The following DMRT2 variants were observed in gnomAD, a reference collection of about 807,000 sequenced individuals.
The protein encoded by DMRT2 is doublesex and mab-3 related transcription factor 2.
A neutral mutation model predicts 43.5 loss-of-function variants in DMRT2; 33 were observed. The ratio of observed to expected loss-of-function variants is 0.76; its 90% CI spans 0.58 to 1.01. The LOEUF is 1.01. Ranked by LOEUF, DMRT2 falls within the 50% of genes least tolerant of loss-of-function variation. DMRT2 has a pLI of 0.00. For synonymous variants in DMRT2, 395 were observed against 309.2 expected (o/e 1.28, Z -2.91); for missense variants, 1,064 against 748.0 (o/e 1.42, Z -4.93).
rs1358356736 is a variant in DMRT2 at position 1,056,639 on chromosome 9, G to A, written c.1052G>A (p.Ser351Asn). 1.2e-6 allele frequency: 2 copies of A among 1,614,034 alleles called. No individual in the cohort carries two copies. Among genetic ancestry groups the A allele is most frequent in the Non-Finnish European group, 1.7e-6 (2 of 1,180,048 alleles). The change falls in exon 4 of 4, where the codon AGC becomes AAC. Residue 351 changes from serine (S) to asparagine (N), a missense_variant. Transcript: ENST00000358146. The part of the protein sequence containing the change: ...FLVWPKCGPI[S>N]DTLLYQQCLL... ...GTTTGGCCCAAGTGTGGCCCCATTA[G>A]CGACACCCTCCTCTACCAGCAATGC...
In DMRT2 at chr9:1,057,277, G is replaced by A. The variant is rs202045027; in HGVS notation, c.*4G>A. ...CATCACTCGTGTCTCTCAGTGAAAG[G>A]CTGCTTAAACAGAAAGCTGGATTTT... On this transcript the variant is annotated 3_prime_UTR_variant, in exon 4 of 4. Coordinates refer to ENST00000358146, the MANE Select transcript of DMRT2 (RefSeq NM_181872.6). The A allele has an allele frequency of 1.2e-6, 2 of 1,600,080 alleles. No homozygotes were observed. The highest frequency in any genetic ancestry group is 1.7e-6 in the Non-Finnish European group (2 of 1,174,656).
At chr9:1,054,401 C>T (rs1020314663) in intron 3 of DMRT2, among the ~76,000 whole-genome samples, 1 of 145,978 alleles carries the variant, frequency 6.9e-6, no homozygotes, top group Admixed American at 6.8e-5. Context: ...CGCTCTTTTT[C>T]ATTGTACTTT....
At position 1,056,487 on chromosome 9, in the gene DMRT2, TA is replaced by T; in HGVS notation, c.902del (p.Asn301IlefsTer9). On this transcript the variant is annotated frameshift_variant, in exon 4 of 4. Coordinates refer to ENST00000358146, the MANE Select transcript of DMRT2 (RefSeq NM_181872.6). LOFTEE classifies it high-confidence loss of function. ...TGGAACCACCAAGCAAGGACTTCTG[TA>T]ATTTTTTGCCCACCTGCCTTGATTT... ...PVEPPSKDFC[N>X]FLPTCLDLTM... is the part of the protein sequence containing the mutation. 1 of 1,614,214 alleles carries T rather than the reference TA, an allele frequency of 6.2e-7. No homozygotes were observed. Among genetic ancestry groups the T allele is most frequent in the Non-Finnish European group, 8.5e-7 (1 of 1,180,030 alleles).
rs1260007650 is a variant in DMRT2, at chr9:1,056,254, A to G, written c.667A>G (p.Thr223Ala). 6.2e-7 allele frequency: 1 copy of G among 1,613,756 alleles called. No individual in the cohort carries two copies. Among genetic ancestry groups the G allele is most frequent in the Non-Finnish European group, 8.5e-7 (1 of 1,179,924 alleles). The part of the protein sequence containing the change: ...PIPAETYVGG[T>A]FPLPPPVSDR... ...TCCAGCGGAGACTTATGTAGGAGGG[A>G]CCTTCCCTCTACCTCCCCCAGTTAG... Residue 223 changes from threonine to alanine, a missense_variant, in exon 4 of 4, where the codon ACC becomes GCC. Physicochemically the swap from Thr to Ala is moderately conservative, Grantham distance 58. Coordinates refer to ENST00000358146, the MANE Select transcript of DMRT2 (RefSeq NM_181872.6).
At position 1,057,250 on chromosome 9, in the gene DMRT2, G is replaced by C. The variant is rs371831083; in HGVS notation, c.1663G>C (p.Ala555Pro). 2 of 1,611,574 alleles carry C rather than the reference G, an allele frequency of 1.2e-6. No homozygotes were observed. Among genetic ancestry groups the C allele is most frequent in the Non-Finnish European group, 8.5e-7 (1 of 1,179,030 alleles). ...VESILKRPSS[A>P]ITRVSQ ...GTCTATTCTTAAGAGGCCTTCATCT[G>C]CCATCACTCGTGTCTCTCAGTGAAA... Residue 555 changes from alanine (A) to proline (P), a missense_variant, in exon 4 of 4, where the codon GCC becomes CCC. Transcript: ENST00000358146.
chr9:1,054,385 A>T (rs1489534196), intron 3 of DMRT2, among the ~76,000 whole-genome samples: 1 of 151,356 alleles, frequency 6.6e-6, no homozygotes, highest in Non-Finnish European at 1.5e-5. Flanking sequence ...GTTCAACCTC[A>T]GATTCCGCTC....
chr9:1,053,746 C>T lies in DMRT2; in HGVS notation c.550C>T (p.Gln184Ter). The T allele has an allele frequency of 6.2e-7, 1 of 1,613,778 alleles. No individual in the cohort carries two copies. The highest frequency in any genetic ancestry group is 8.5e-7 in the Non-Finnish European group (1 of 1,179,832). Residue 184 changes from glutamine to a stop codon, truncating the protein, a stop_gained, in exon 3 of 4, where the codon CAG (glutamine) becomes TAG (stop). Coordinates refer to ENST00000358146, the MANE Select transcript of DMRT2 (RefSeq NM_181872.6). LOFTEE classifies it high-confidence loss of function. ...GGACAAGAAGGGGCTTTCCGGGAAA[C>T]AGAATAATTTCGAGCGCAAAGCTGT... ...TEDKKGLSGK[Q>*]NNFERKAVYQ...
intron 3 of DMRT2, among the ~76,000 whole-genome samples, chr9:1,055,081 T>G (rs748699848): frequency 6.6e-6 from 1 of 152,166 alleles, no homozygotes; most frequent in African/African-American, 2.4e-5. Context: ...TAGGGCCACA[T>G]TGATAAACTG....
In DMRT2 at chr9:1,051,930, C is replaced by A; in HGVS notation, c.317C>A (p.Thr106Asn). The part of the protein sequence containing the change: ...PAGTGPRERC[T>N]PAGGGAEPRK... Reference sequence around the variant, plus strand: ...GGCACCGGTCCCCGAGAGCGCTGCACTCCCGCGGGCGGCGGCGCGGAGCCG... The same window carrying A: ...GGCACCGGTCCCCGAGAGCGCTGCAATCCCGCGGGCGGCGGCGCGGAGCCG... Residue 106 changes from threonine (T) to asparagine (N), a missense_variant, in exon 2 of 4, where the codon ACT (threonine) becomes AAT (asparagine). Coordinates refer to ENST00000358146, the MANE Select transcript of DMRT2 (RefSeq NM_181872.6). The surrounding 1 kb of genome is among the most constrained non-coding windows in gnomAD (Gnocchi z 5.9). 1 of 1,364,750 alleles carries A rather than the reference C, an allele frequency of 7.3e-7. No individual in the cohort carries two copies. The highest frequency in any genetic ancestry group is 9.4e-7 in the Non-Finnish European group (1 of 1,068,542). 84.5% of individuals were successfully genotyped at this position (1,364,750 alleles called of 1,614,324 possible).
Position 1,051,992 on chromosome 9 carries a change from C to A in DMRT2, c.379C>A (p.Arg127Ser), listed in dbSNP as rs974583423. The part of the protein sequence containing the change: ...LSRTPKCARC[R>S]NHGVVSCLKG... Reference sequence around the variant, plus strand: ...CCGCACGCCCAAGTGCGCGCGCTGCCGCAACCACGGCGTGGTGTCCTGCCT... The same window carrying A: ...CCGCACGCCCAAGTGCGCGCGCTGCAGCAACCACGGCGTGGTGTCCTGCCT... The change falls in exon 2 of 4, where the codon CGC becomes AGC. Residue 127 changes from arginine (R) to serine (S), a missense_variant. By Grantham distance (110) the Arg-to-Ser change is moderately radical. Transcript: ENST00000358146. The surrounding 1 kb of genome is among the most constrained non-coding windows in gnomAD (Gnocchi z 5.9). 3.6e-5 allele frequency: 52 copies of A among 1,450,816 alleles called. No homozygotes were observed. Among genetic ancestry groups the A allele is most frequent in the Non-Finnish European group, 4.6e-5 (51 of 1,107,766 alleles). 89.9% of individuals were successfully genotyped at this position (1,450,816 alleles called of 1,614,324 possible).
At position 1,057,442 on chromosome 9, in the gene DMRT2, T is replaced by G. The variant is rs1295034025; in HGVS notation, c.*169T>G. The G allele has an allele frequency of 1.4e-6, 1 of 711,688 alleles. No homozygotes were observed. Among genetic ancestry groups the G allele is most frequent in the Non-Finnish European group, 2.2e-6 (1 of 452,378 alleles). The allele number at this position is 711,688 out of a possible 1,614,324, so 44.1% of individuals were successfully genotyped here. A position where few individuals can be genotyped will look rare whatever the true frequency, so the allele number is the denominator to read the frequency against. On this transcript the variant is annotated 3_prime_UTR_variant, in exon 4 of 4. Coordinates refer to ENST00000358146, the MANE Select transcript of DMRT2 (RefSeq NM_181872.6). ...TATGCATGTACTTTTTCTTATCACA[T>G]ATATTTAAACTTACAGATGGAAATT...
At chr9:1,055,891 C>T (rs893379124) in intron 3 of DMRT2, 25 of 1,479,278 alleles carry the variant, frequency 1.7e-5, no homozygotes, top group South Asian at 6.0e-5. Flanking sequence ...TCTCTTAATG[C>T]GTAGGGGGCC....
At chr9:1,055,984 CAACAAG>C (rs1396174779) in intron 3 of DMRT2, 10 of 1,405,948 alleles carry the variant, frequency 7.1e-6, no homozygotes, top group Non-Finnish European at 9.2e-6. Flanking sequence ...CCACAACAAG[CAACAAG>C]AACAAGAACA....
In DMRT2 at chr9:1,051,765, A is replaced by G. The variant is rs1193210086; in HGVS notation, c.152A>G (p.Asp51Gly). 2.6e-6 allele frequency: 4 copies of G among 1,525,808 alleles called. No individual in the cohort carries two copies. Among genetic ancestry groups the G allele is most frequent in the African/African-American group, 1.4e-5 (1 of 69,940 alleles). The allele number at this position is 1,525,808 out of a possible 1,614,324, so 94.5% of individuals were successfully genotyped here. A position where few individuals can be genotyped will look rare whatever the true frequency, so the allele number is the denominator to read the frequency against. Residue 51 changes from aspartate (D) to glycine (G), a missense_variant, in exon 2 of 4, where the codon GAT (aspartate) becomes GGT (glycine). Transcript: ENST00000358146. The surrounding 1 kb of genome is among the most constrained non-coding windows in gnomAD (Gnocchi z 5.9). The stretch of plus-strand genomic sequence containing the variant: ...GACGGGGACTGCGAGGACGACGAAG[A>G]TGACGACGGGGTGGACGAAGACGCG... ...PADGDCEDDE[D>G]DDGVDEDAEE...
rs1821505209 is a variant in DMRT2 at position 1,050,686 on chromosome 9, C to A, written c.-134C>A. 6.6e-6 allele frequency: 1 copy of A among 152,320 alleles called. No individual in the cohort carries two copies. Among genetic ancestry groups the A allele is most frequent in the African/African-American group, 2.4e-5 (1 of 41,452 alleles). The allele number at this position is 152,320 out of a possible 1,614,324, so 9.4% of individuals were successfully genotyped here. On this transcript the variant is annotated 5_prime_UTR_variant, in exon 1 of 4. In the 5' UTR this introduces an upstream ATG that the reference lacks. Coordinates refer to ENST00000358146, the MANE Select transcript of DMRT2 (RefSeq NM_181872.6). ...TGTTTGAGGGTAGCGACCCCGATTT[C>A]TGTTTGCATGCACAGCCAGCAGCCC...
In DMRT2 at chr9:1,057,001, C is replaced by T. The variant is rs942307099; in HGVS notation, c.1414C>T (p.His472Tyr). Residue 472 changes from histidine to tyrosine, a missense_variant, in exon 4 of 4, where the codon CAC becomes TAC. Coordinates refer to ENST00000358146, the MANE Select transcript of DMRT2 (RefSeq NM_181872.6). Reference sequence around the variant, plus strand: ...TCTGCCACTTAGACATAATCCATTCCACTCATTATTCCAGCAAACACTTAC... The same window carrying T: ...TCTGCCACTTAGACATAATCCATTCTACTCATTATTCCAGCAAACACTTAC... ...HPLPLRHNPFHSLFQQTLTDK... is the reference protein window; with the variant it reads ...HPLPLRHNPFYSLFQQTLTDK... The T allele has an allele frequency of 6.2e-7, 1 of 1,614,188 alleles. No individual in the cohort carries two copies.
Position 1,053,473 on chromosome 9 carries a change from T to G in DMRT2, c.526-249T>G, listed in dbSNP as rs1821754720. 2.0e-5 allele frequency among the ~76,000 whole-genome samples: 3 copies of G among 152,190 alleles called. No individual in the cohort carries two copies. In the South Asian group the frequency reaches 6.2e-4, roughly 31 times the overall value. ...TAGGTCTGCGTATATCTAGAGTGATTAGAGTCTAGAGTGACTATGCTGCGG... is the reference window on the plus strand; with the variant it reads ...TAGGTCTGCGTATATCTAGAGTGATGAGAGTCTAGAGTGACTATGCTGCGG... On this transcript the variant is annotated intron_variant, in intron 2 of 3. Transcript: ENST00000358146.
rs551464908 is a variant in DMRT2 at position 1,050,882 on chromosome 9, G to A, written c.-45+107G>A. On this transcript the variant is annotated intron_variant, in intron 1 of 3. Coordinates refer to ENST00000358146, the MANE Select transcript of DMRT2 (RefSeq NM_181872.6). ...GCCTTACCTTAAATATATAAACCAA[G>A]GCCTAAGTACAGAGAGCCCACGCGG... 2.0e-5 allele frequency: 3 copies of A among 152,342 alleles called. No individual in the cohort carries two copies. In the East Asian group the frequency reaches 5.8e-4, roughly 29 times the overall value. 9.4% of individuals were successfully genotyped at this position (152,342 alleles called of 1,614,324 possible). A position where few individuals can be genotyped will look rare whatever the true frequency, so the allele number is the denominator to read the frequency against.
At chr9:1,056,055 C>G (rs770540681) in intron 3 of DMRT2, 161 bp from the exon 4 acceptor site, 112 of 1,436,112 alleles carry the variant, frequency 7.8e-5, no homozygotes, top group Non-Finnish European at 1.0e-4. Flanking sequence ...GAAACTCTTT[C>G]AAACCTAATC....
Sources: allele counts gnomAD v4.1 joint callset (sites outside exome capture counted in the v4.1 genomes callset), GRCh38; gene constraint gnomAD v4.1.1; non-coding constraint Gnocchi (gnomAD v3.1); transcripts MANE v1.5; gene names NCBI Gene and HGNC (gene_info 2026-07-23, HGNC 2026-07-21).